The following ATOSA variants were observed in gnomAD, a reference collection of about 807,000 sequenced individuals.
The protein encoded by ATOSA is atos homolog A.
At chr15:52,633,333 A>G in the ATOSA span, among the ~76,000 whole-genome samples, 1 of 152,192 alleles carries the variant, frequency 6.6e-6, no homozygotes, top group African/African-American at 2.4e-5. Flanking sequence ...TTATACTTTA[A>G]ACCACTCAAA....
the ATOSA span, chr15:52,581,619 T>C: frequency 6.5e-6 from 1 of 152,676 alleles, no homozygotes; most frequent in African/African-American, 2.4e-5. Context: ...TTATAAAAAC[T>C]AAACATGAGA....
the ATOSA span, among the ~76,000 whole-genome samples, chr15:52,676,650 G>GGT: frequency 6.6e-6 from 1 of 152,058 alleles, no homozygotes; most frequent in Non-Finnish European, 1.5e-5. Context: ...AAACTTCTTT[G>GGT]GAAATCTTGA....
chr15:52,630,434 G>C, the ATOSA span, among the ~76,000 whole-genome samples: 2 of 151,914 alleles, frequency 1.3e-5, no homozygotes, highest in East Asian at 3.9e-4. Context: ...AATCCTGAAA[G>C]GTTAATGAAT....
chr15:52,611,340 C>G, the ATOSA span: 1 of 1,515,656 alleles, frequency 6.6e-7, no homozygotes, highest in Admixed American at 2.0e-5. Flanking sequence ...GATCCATAAA[C>G]TTATCACTCA....
At chr15:52,683,984 T>A in the ATOSA span, among the ~76,000 whole-genome samples, 1 of 152,244 alleles carries the variant, frequency 6.6e-6, no homozygotes, top group Admixed American at 6.5e-5. Context: ...TCTGAACACA[T>A]ATTTATGATC....
chr15:52,632,078 G>A, the ATOSA span, among the ~76,000 whole-genome samples: 2,259 of 152,218 alleles, frequency 0.015, 43 homozygotes, highest in African/African-American at 0.044. Flanking sequence ...TCTTAAATAA[G>A]TTTTCCTTCA....
the ATOSA span, among the ~76,000 whole-genome samples, chr15:52,591,032 A>C: frequency 6.6e-6 from 1 of 152,152 alleles, no homozygotes; most frequent in African/African-American, 2.4e-5. Context: ...CCAATCCTTC[A>C]TTTTTGAGAT....
chr15:52,704,986 C>G, the ATOSA span, among the ~76,000 whole-genome samples: 1 of 152,142 alleles, frequency 6.6e-6, no homozygotes, highest in African/African-American at 2.4e-5. Flanking sequence ...CCATTTGACC[C>G]AGCAATCCCA....
chr15:52,626,529 G>GAAAA, the ATOSA span, among the ~76,000 whole-genome samples: 58,962 of 141,226 alleles, frequency 0.42, 14,414 homozygotes, highest in Middle Eastern at 0.56. Context: ...AGGGAAAGCT[G>GAAAA]AAAAAAAAAA....
the ATOSA span, among the ~76,000 whole-genome samples, chr15:52,672,184 A>AAAAAAAAAAG: frequency 6.7e-6 from 1 of 148,408 alleles, no homozygotes; most frequent in East Asian, 1.9e-4. Context: ...AAAAAAAAAA[A>AAAAAAAAAAG]AAAAAAAAAA....
chr15:52,674,437 G>C, the ATOSA span, among the ~76,000 whole-genome samples: 2 of 152,104 alleles, frequency 1.3e-5, no homozygotes, highest in Non-Finnish European at 1.5e-5. Flanking sequence ...GTACATCCTT[G>C]AGTCAAAGGT....
At chr15:52,658,618 T>C in the ATOSA span, 241 of 396,606 alleles carry the variant, frequency 6.1e-4, no homozygotes, top group African/African-American at 4.7e-3. Flanking sequence ...CCATCAAACA[T>C]GCATGCTCCC....
chr15:52,596,633 A>G, the ATOSA span, among the ~76,000 whole-genome samples: 1 of 152,224 alleles, frequency 6.6e-6, no homozygotes. Flanking sequence ...GGTTGCTAGA[A>G]CTAGGCATGG....
At chr15:52,619,492 T>C in the ATOSA span, among the ~76,000 whole-genome samples, 1 of 152,130 alleles carries the variant, frequency 6.6e-6, no homozygotes, top group Admixed American at 6.6e-5. Flanking sequence ...ACACAAAAAA[T>C]GTTTCAAATC....
chr15:52,624,841 G>A, the ATOSA span, among the ~76,000 whole-genome samples: 33 of 150,400 alleles, frequency 2.2e-4, 1 homozygote, highest in South Asian at 6.3e-3. Context: ...GTGGTGGTGC[G>A]ATCCCGGCTC....
chr15:52,603,280 T>C, the ATOSA span, among the ~76,000 whole-genome samples: 2 of 152,264 alleles, frequency 1.3e-5, no homozygotes, highest in African/African-American at 4.8e-5. Context: ...TAATGAGATG[T>C]TGTCTCACTC....
chr15:52,635,060 A>T, the ATOSA span, among the ~76,000 whole-genome samples: 2 of 152,242 alleles, frequency 1.3e-5, no homozygotes, highest in East Asian at 3.8e-4. Context: ...GATGAGGTCT[A>T]CTTTATAATG....
At chr15:52,584,441 C>T in the ATOSA span, among the ~76,000 whole-genome samples, 1 of 152,024 alleles carries the variant, frequency 6.6e-6, no homozygotes, top group African/African-American at 2.4e-5. Flanking sequence ...GCCCGGCCCT[C>T]GTATTACATT....
chr15:52,700,557 G>A, the ATOSA span, among the ~76,000 whole-genome samples: 6 of 152,126 alleles, frequency 3.9e-5, no homozygotes, highest in African/African-American at 7.2e-5. Context: ...AAGCCTTATT[G>A]TGACGAGGCT....
Sources: allele counts gnomAD v4.1 joint callset (sites outside exome capture counted in the v4.1 genomes callset), GRCh38; gene constraint gnomAD v4.1.1; transcripts MANE v1.5; gene names NCBI Gene and HGNC (gene_info 2026-07-23, HGNC 2026-07-21).